Variants in PHEX observed in about 807,000 individuals in gnomAD.
PHEX encodes phosphate regulating endopeptidase X-linked, also known as phosphate-regulating neutral endopeptidase PHEX.
Under a neutral mutation model 68.0 loss-of-function variants are expected in PHEX, and 16 were observed. That is an observed-to-expected ratio of 0.24 (90% CI 0.16 to 0.36). PHEX has a LOEUF of 0.36. Ranked by LOEUF, PHEX falls within the 10% of genes least tolerant of loss-of-function variation. PHEX has a pLI of 1.00. For missense variants in PHEX, 480 were observed against 575.5 expected, an observed-to-expected ratio of 0.83 and a Z score of 1.70; for synonymous variants, 208 against 205.1, an observed-to-expected ratio of 1.01 and a Z score of -0.12.
At chrX:22,243,584 A>G (rs778188823) in intron 20 of PHEX, among the ~76,000 whole-genome samples, 15 of 112,373 alleles carry the variant, frequency 1.3e-4, no homozygotes, top group Non-Finnish European at 5.6e-5. Flanking sequence ...ACAAATTTAC[A>G]AGAAAAAAAC....
chrX:22,044,854 A>G (rs1927451133), intron 2 of PHEX, among the ~76,000 whole-genome samples: 1 of 110,684 alleles, frequency 9.0e-6, no homozygotes, highest in African/African-American at 3.3e-5. Context: ...CTAAGTCTTT[A>G]TTTTTATTTA....
intron 1 of PHEX, among the ~76,000 whole-genome samples, chrX:22,033,588 C>A: frequency 8.9e-6 from 1 of 112,195 alleles, no homozygotes; most frequent in African/African-American, 3.2e-5. Flanking sequence ...CAAATCAGTC[C>A]TTTAAAGTGT....
intron 12 of PHEX, among the ~76,000 whole-genome samples, chrX:22,155,405 A>C (rs2147106438): frequency 8.9e-6 from 1 of 112,418 alleles, no homozygotes; most frequent in Admixed American, 9.4e-5. Context: ...ATCTAGGTTA[A>C]TCTCCAACTT....
chrX:22,105,871 T>G (rs1930660730), intron 9 of PHEX, among the ~76,000 whole-genome samples: 1 of 112,184 alleles, frequency 8.9e-6, no homozygotes, highest in African/African-American at 3.2e-5. Context: ...TTTCTGATTT[T>G]GGATTTATTC....
chrX:22,036,050 ATATATTTT>A (rs1926996681), intron 1 of PHEX, among the ~76,000 whole-genome samples: 1 of 57,518 alleles, frequency 1.7e-5, no homozygotes, highest in African/African-American at 7.7e-5. Context: ...ATATATATAT[ATATATTTT>A]TTTTTTTTTT....
chrX:22,107,462 A>G (rs563442955), intron 9 of PHEX, among the ~76,000 whole-genome samples: 2 of 112,247 alleles, frequency 1.8e-5, no homozygotes, highest in South Asian at 7.5e-4. Flanking sequence ...TCCTTGCACT[A>G]GGACCAAGAT....
intron 5 of PHEX, among the ~76,000 whole-genome samples, chrX:22,079,412 C>T (rs184504402): frequency 3.3e-4 from 37 of 111,886 alleles, no homozygotes; most frequent in Non-Finnish European, 2.3e-4. Flanking sequence ...ATCTAGAGCC[C>T]TCCTTTTTTG....
At chrX:22,049,029 G>A (rs1330610236) in intron 3 of PHEX, among the ~76,000 whole-genome samples, 1 of 112,080 alleles carries the variant, frequency 8.9e-6, no homozygotes, top group Non-Finnish European at 1.9e-5. Flanking sequence ...TTTAAAATTA[G>A]TTGGTATTAT....
intron 14 of PHEX, among the ~76,000 whole-genome samples, chrX:22,183,298 G>C (rs1368545274): frequency 9.0e-6 from 1 of 110,899 alleles, no homozygotes; most frequent in Non-Finnish European, 1.9e-5. Flanking sequence ...CCTGCTCTCT[G>C]CCCTTCAAAC....
chrX:22,211,917 A>G (rs1381873129), intron 15 of PHEX, among the ~76,000 whole-genome samples: 1 of 111,862 alleles, frequency 8.9e-6, no homozygotes, highest in East Asian at 2.8e-4. Flanking sequence ...CTTATTCACT[A>G]CCATGAGAAC....
At chrX:22,221,352 G>A (rs764142441) in intron 17 of PHEX, among the ~76,000 whole-genome samples, 12 of 112,343 alleles carry the variant, frequency 1.1e-4, no homozygotes, top group Non-Finnish European at 2.3e-4. Context: ...AATAAGACTA[G>A]TATATGTAAT....
intron 9 of PHEX, among the ~76,000 whole-genome samples, chrX:22,110,195 A>G (rs1244583778): frequency 8.9e-6 from 1 of 111,931 alleles, no homozygotes; most frequent in Non-Finnish European, 1.9e-5. Context: ...CTTTAAGCAA[A>G]ATGACAGATA....
At chrX:22,247,528 T>G (rs1378144389) in intron 21 of PHEX, among the ~76,000 whole-genome samples, 1 of 112,380 alleles carries the variant, frequency 8.9e-6, no homozygotes, top group Non-Finnish European at 1.9e-5. Flanking sequence ...TTTAATATTT[T>G]GCATACTTTA....
chrX:22,062,210 G>A lies in PHEX; in HGVS notation c.350-14178G>A, dbSNP rs768632974. On this transcript the variant is annotated intron_variant, in intron 3 of 21. Coordinates refer to ENST00000379374, the MANE Select transcript of PHEX (RefSeq NM_000444.6). ...CCATGCGGGGATTAGAATTTGAGATGAGATTTGGGTGGAGACAGAGCCAAA... is the reference window on the plus strand; with the variant it reads ...CCATGCGGGGATTAGAATTTGAGATAAGATTTGGGTGGAGACAGAGCCAAA... 4.5e-5 allele frequency among the ~76,000 whole-genome samples: 5 copies of A among 111,655 alleles called. No individual in the cohort carries two copies. In the South Asian group the frequency reaches 1.9e-3, roughly 42 times the overall value.
At chrX:22,123,070 G>A (rs919229259) in intron 11 of PHEX, among the ~76,000 whole-genome samples, 5 of 101,272 alleles carry the variant, frequency 4.9e-5, no homozygotes, top group African/African-American at 1.9e-4. Context: ...GCTCACTGCA[G>A]CCTCTGCCTC....
chrX:22,234,047 A>G (rs183549422), intron 20 of PHEX, among the ~76,000 whole-genome samples: 1 of 112,654 alleles, frequency 8.9e-6, no homozygotes, highest in South Asian at 3.7e-4. Context: ...TCCTTCTTAC[A>G]AACAGGCTCC....
At chrX:22,034,512 G>A (rs1347485857) in intron 1 of PHEX, among the ~76,000 whole-genome samples, 1 of 112,158 alleles carries the variant, frequency 8.9e-6, no homozygotes, top group Non-Finnish European at 1.9e-5. Context: ...AAATAGTGCC[G>A]ATGTTTTTAG....
chrX:22,146,429 T>C (rs1173108886), intron 12 of PHEX, among the ~76,000 whole-genome samples: 2 of 112,408 alleles, frequency 1.8e-5, no homozygotes, highest in Non-Finnish European at 3.7e-5. Context: ...TCATCAAGAA[T>C]ACAAATATAT....
At chrX:22,040,509 A>G (rs1927224362) in intron 2 of PHEX, among the ~76,000 whole-genome samples, 2 of 111,615 alleles carry the variant, frequency 1.8e-5, no homozygotes, top group South Asian at 7.6e-4. Context: ...AATGTTATAG[A>G]GAAAATTAAA....
Sources: allele counts gnomAD v4.1 joint callset (sites outside exome capture counted in the v4.1 genomes callset), GRCh38; gene constraint gnomAD v4.1.1; transcripts MANE v1.5; gene names NCBI Gene and HGNC (gene_info 2026-07-23, HGNC 2026-07-21).